The following UGT1A3 variants were observed in gnomAD, a reference collection of about 807,000 sequenced individuals.
UGT1A3 encodes UDP glucuronosyltransferase family 1 member A3.
Under a neutral mutation model 41.0 loss-of-function variants are expected in UGT1A3, and 31 were observed. The ratio of observed to expected loss-of-function variants is 0.76; its 90% CI spans 0.57 to 1.02. UGT1A3 has a LOEUF of 1.02. Ranked by LOEUF, UGT1A3 falls within the 50% of genes least tolerant of loss-of-function variation. The pLI is 0.00. For synonymous variants in UGT1A3, 262 were observed against 257.6 expected (o/e 1.02, Z -0.17); for missense variants, 737 against 671.0 (o/e 1.10, Z -1.09).
At chr2:233,756,915 T>C (rs571435889) in intron 1 of UGT1A3, among the ~76,000 whole-genome samples, 1 of 152,112 alleles carries the variant, frequency 6.6e-6, no homozygotes, top group East Asian at 1.9e-4. Context: ...ACTTCTGAGT[T>C]TATATAACCT....
rs568443083 is a variant in UGT1A3 at position 233,748,107 on chromosome 2, A to G, written c.867+18114A>G. The G allele has an allele frequency of 6.5e-5, 105 of 1,612,400 alleles. 3 individuals are homozygous for G. The African/African-American group carries it at 1.3e-3, about 20-fold the overall frequency. ...CGGTGTTCGTGCCTTCATCCAATCA[A>G]TGTTCCAGGCAAAACAGTTTTTAAA... On this transcript the variant is annotated intron_variant, in intron 1 of 4. Coordinates refer to ENST00000482026, the MANE Select transcript of UGT1A3 (RefSeq NM_019093.4).
At chr2:233,767,390 G>C (rs946979684) in intron 2 of UGT1A3, among the ~76,000 whole-genome samples, 5 of 152,078 alleles carry the variant, frequency 3.3e-5, no homozygotes, top group Admixed American at 2.6e-4. Context: ...ACACTCAGAA[G>C]TATCATTTTC....
intron 1 of UGT1A3, chr2:233,760,416 G>A (rs1575772039): frequency 6.2e-7 from 1 of 1,614,218 alleles, no homozygotes; most frequent in East Asian, 2.2e-5. Flanking sequence ...GGCTGAGCAT[G>A]CTTGGGGCCA....
At chr2:233,731,530 C>T (rs149780205) in intron 1 of UGT1A3, among the ~76,000 whole-genome samples, 2,259 of 152,174 alleles carry the variant, frequency 0.015, 22 homozygotes, top group Non-Finnish European at 0.022. Flanking sequence ...TGAGAACATG[C>T]GGTGTTTGGT....
chr2:233,744,959 A>G (rs1028128963), intron 1 of UGT1A3, among the ~76,000 whole-genome samples: 2 of 151,812 alleles, frequency 1.3e-5, no homozygotes, highest in African/African-American at 4.9e-5. Context: ...TAACCTACCA[A>G]TATCCTTCTT....
intron 1 of UGT1A3, among the ~76,000 whole-genome samples, chr2:233,765,626 G>A (rs892364448): frequency 2.0e-5 from 3 of 151,774 alleles, no homozygotes; most frequent in Admixed American, 2.0e-4. Context: ...GGTGAGGGGA[G>A]GAACTTAGAG....
intron 1 of UGT1A3, among the ~76,000 whole-genome samples, chr2:233,756,978 C>T (rs1696373948): frequency 1.3e-5 from 2 of 151,968 alleles, no homozygotes; most frequent in Admixed American, 1.3e-4. Context: ...ACGCAATGAA[C>T]AGTCATAGTA....
At position 233,749,692 on chromosome 2, in the gene UGT1A3, G is replaced by A. The variant is rs182705299; in HGVS notation, c.868-17342G>A. The stretch of plus-strand genomic sequence containing the variant: ...CCCCACGTGTCAAGGACAGGATCTG[G>A]TGGGAGGTGATTGGATCATGGGGGC... On this transcript the variant is annotated intron_variant, in intron 1 of 4. Transcript: ENST00000482026. Among the ~76,000 whole-genome samples the A allele has an allele frequency of 1.6e-4, 24 of 151,978 alleles. No homozygotes were observed. In the East Asian group the frequency reaches 4.2e-3, roughly 27 times the overall value.
intron 1 of UGT1A3, chr2:233,755,019 T>C (rs1378423497): frequency 1.5e-6 from 2 of 1,304,298 alleles, no homozygotes; most frequent in South Asian, 2.3e-5. Flanking sequence ...GAAGGGGTCC[T>C]TGAAGGGCCT....
chr2:233,733,255 C>T (rs2078373056), intron 1 of UGT1A3, among the ~76,000 whole-genome samples: 1 of 152,174 alleles, frequency 6.6e-6, no homozygotes, highest in African/African-American at 2.4e-5. Context: ...CATCTGCAAA[C>T]AGGGACTATT....
chr2:233,767,045 C>G lies in UGT1A3; in HGVS notation c.879C>G (p.Ala293=), dbSNP rs900263261. 1.9e-6 allele frequency: 3 copies of G among 1,614,006 alleles called. No homozygotes were observed. The African/African-American group carries it at 4.0e-5, about 22-fold the overall frequency. The change falls in exon 2 of 5, where the codon GCC becomes GCG. Residue 293 remains alanine, a synonymous_variant. Coordinates refer to ENST00000482026, the MANE Select transcript of UGT1A3 (RefSeq NM_019093.4). ...NRKPLSQEFE[A]YINASGEHGI... is the part of the protein sequence containing the mutation. ...TCTTCTGGCTCTAGGAATTTGAAGC[C>G]TACATTAATGCTTCTGGAGAACATG...
chr2:233,747,879 C>A (rs186049008), intron 1 of UGT1A3: 15 of 1,613,516 alleles, frequency 9.3e-6, no homozygotes, highest in African/African-American at 4.0e-5. Context: ...CCTGTCCTAC[C>A]TTTGCCATGC....
chr2:233,759,026 A>G (rs888147104), intron 1 of UGT1A3, among the ~76,000 whole-genome samples: 4 of 152,116 alleles, frequency 2.6e-5, no homozygotes, highest in Admixed American at 2.0e-4. Flanking sequence ...TTGCTTATCT[A>G]TTTGGTTTCC....
In UGT1A3 at chr2:233,737,002, C is replaced by T. The variant is rs534387073; in HGVS notation, c.867+7009C>T. On this transcript the variant is annotated intron_variant, in intron 1 of 4. Transcript: ENST00000482026. ...TCAAGATACACAGAGGTCAGGGACC[C>T]GCTTGAGGAGGCAGTCTGTCCATTC... Among the ~76,000 whole-genome samples, 262 of 152,308 alleles carry T rather than the reference C, an allele frequency of 1.7e-3. 1 individual carries two copies. Among genetic ancestry groups the T allele is most frequent in the South Asian group, 4.4e-3 (21 of 4,826 alleles).
chr2:233,746,961 G>C (rs1559391605), intron 1 of UGT1A3, among the ~76,000 whole-genome samples: 1 of 151,802 alleles, frequency 6.6e-6, no homozygotes, highest in Non-Finnish European at 1.5e-5. Flanking sequence ...CTTGAACTTG[G>C]ATGTTCCCCA....
At chr2:233,741,284 A>G (rs1443656037) in intron 1 of UGT1A3, among the ~76,000 whole-genome samples, 2 of 151,828 alleles carry the variant, frequency 1.3e-5, no homozygotes, top group South Asian at 2.1e-4. Flanking sequence ...AATGGGATTT[A>G]TGTACCCAAT....
At chr2:233,761,270 CTT>C in intron 1 of UGT1A3, 1 of 1,591,968 alleles carries the variant, frequency 6.3e-7, no homozygotes, top group Non-Finnish European at 8.6e-7. Context: ...AAAATGCCCT[CTT>C]TTGTTAATTT....
intron 1 of UGT1A3, among the ~76,000 whole-genome samples, chr2:233,766,110 G>T (rs1275743643): frequency 6.6e-6 from 1 of 152,184 alleles, no homozygotes; most frequent in Non-Finnish European, 1.5e-5. Context: ...TATCCTGGGG[G>T]CTTGCCTTGG....
At chr2:233,763,256 T>A (rs1698270689) in intron 1 of UGT1A3, among the ~76,000 whole-genome samples, 1 of 152,234 alleles carries the variant, frequency 6.6e-6, no homozygotes. Flanking sequence ...GTAACCTGTT[T>A]TGTCTTGTTG....
Sources: gnomAD v4.1 joint callset for allele counts (sites outside exome capture counted in the v4.1 genomes callset) on GRCh38, gnomAD v4.1.1 for gene constraint, MANE v1.5 for transcripts, NCBI Gene and HGNC (gene_info 2026-07-23, HGNC 2026-07-21) for gene names.